ZNF503: variants seen among roughly 807,000 people sequenced by gnomAD.
The protein encoded by ZNF503 is zinc finger protein 503.
In ZNF503, 15 loss-of-function variants were observed where a neutral mutation model predicts 34.4. That is an observed-to-expected ratio of 0.44 (90% CI 0.29 to 0.67). The LOEUF (loss-of-function observed/expected upper bound fraction) is 0.67. ZNF503 is among the 30% of genes least tolerant of loss of function. The pLI is 0.13. For synonymous variants in ZNF503, 580 were observed against 456.8 expected (o/e 1.27, Z -3.44); for missense variants, 1,007 against 926.8 (o/e 1.09, Z -1.12).
chr10:75,340,311 G>A, the ZNF503 span, among the ~76,000 whole-genome samples: 1 of 152,172 alleles, frequency 6.6e-6, no homozygotes, highest in Non-Finnish European at 1.5e-5. Context: ...AACTCTACTG[G>A]TGGGAGTGTA....
chr10:75,384,126 G>C, the ZNF503 span, among the ~76,000 whole-genome samples: 1 of 152,156 alleles, frequency 6.6e-6, no homozygotes, highest in Non-Finnish European at 1.5e-5. Flanking sequence ...CAGCTCAGGT[G>C]CTGGGAGGTG....
the ZNF503 span, among the ~76,000 whole-genome samples, chr10:75,347,922 C>T: frequency 6.6e-6 from 1 of 152,148 alleles, no homozygotes; most frequent in Admixed American, 6.5e-5. Context: ...TGTCCCATCT[C>T]GAGTGCAGTG....
the ZNF503 span, among the ~76,000 whole-genome samples, chr10:75,385,217 A>G: frequency 1.3e-5 from 2 of 152,176 alleles, no homozygotes; most frequent in African/African-American, 4.8e-5. Flanking sequence ...AAGGCCAATC[A>G]GGAGACACAC....
chr10:75,300,059 G>A, the ZNF503 span, among the ~76,000 whole-genome samples: 1 of 152,156 alleles, frequency 6.6e-6, no homozygotes, highest in Admixed American at 6.5e-5. Context: ...AGCGCTATGG[G>A]AGACTGGGGC....
At chr10:75,361,634 C>A in the ZNF503 span, 1 of 152,124 alleles carries the variant, frequency 6.6e-6, no homozygotes, top group Non-Finnish European at 1.5e-5. Flanking sequence ...AACCTGTACT[C>A]CTCAAATACA....
At chr10:75,374,552 T>A in the ZNF503 span, among the ~76,000 whole-genome samples, 3 of 152,044 alleles carry the variant, frequency 2.0e-5, no homozygotes, top group African/African-American at 7.2e-5. Context: ...TACCCGAAGG[T>A]CAGAGAGGCC....
At chr10:75,317,309 G>A in the ZNF503 span, among the ~76,000 whole-genome samples, 3 of 109,810 alleles carry the variant, frequency 2.7e-5, no homozygotes, top group Admixed American at 1.4e-4. Flanking sequence ...ACGGAGTCTC[G>A]CTGTTTCACC....
the ZNF503 span, among the ~76,000 whole-genome samples, chr10:75,323,592 G>GTT: frequency 6.6e-6 from 1 of 152,116 alleles, no homozygotes; most frequent in African/African-American, 2.4e-5. Context: ...TCTCATGGTG[G>GTT]TTTTAATTTG....
the ZNF503 span, chr10:75,382,862 C>A: frequency 9.9e-5 from 26 of 261,698 alleles, no homozygotes; most frequent in Non-Finnish European, 1.8e-4. Flanking sequence ...GTAAGAACTG[C>A]CTATGGAGCC....
chr10:75,378,345 T>C, the ZNF503 span, among the ~76,000 whole-genome samples: 2 of 152,104 alleles, frequency 1.3e-5, no homozygotes, highest in African/African-American at 4.8e-5. Context: ...ATCAGAAGGA[T>C]GGCTGGGCGA....
Position 75,400,214 on chromosome 10 carries a change from G to A in ZNF503, c.476C>T (p.Ser159Leu), listed in dbSNP as rs1328018813. ...GGAAGDKDTKSGPLKLSDIGV... is the reference protein window; with the variant it reads ...GGAAGDKDTKLGPLKLSDIGV... ...GATGTCGCTCAGCTTCAGGGGGCCCGATTTGGTGTCCTTGTCGCCCGCAGC... is the reference window on the plus strand; with the variant it reads ...GATGTCGCTCAGCTTCAGGGGGCCCAATTTGGTGTCCTTGTCGCCCGCAGC... Residue 159 changes from serine to leucine, a missense_variant, in exon 2 of 2, where the codon TCG becomes TTG. Ser to Leu is a moderately radical substitution (Grantham distance 145, BLOSUM62 -2). Transcript: ENST00000372524. The A allele has an allele frequency of 6.2e-7, 1 of 1,606,016 alleles. No homozygotes were observed. Among genetic ancestry groups the A allele is most frequent in the African/African-American group, 1.3e-5 (1 of 74,778 alleles).
the ZNF503 span, among the ~76,000 whole-genome samples, chr10:75,369,661 T>TA: frequency 6.6e-6 from 1 of 152,236 alleles, no homozygotes; most frequent in East Asian, 1.9e-4. Context: ...CTTTTAGATT[T>TA]AAAAAATAGT....
At chr10:75,386,075 C>T in the ZNF503 span, among the ~76,000 whole-genome samples, 2 of 152,322 alleles carry the variant, frequency 1.3e-5, no homozygotes, top group East Asian at 1.9e-4. Context: ...CATCCATTCC[C>T]CCATTTCCCC....
the ZNF503 span, among the ~76,000 whole-genome samples, chr10:75,288,851 C>T: frequency 6.6e-6 from 1 of 152,328 alleles, no homozygotes; most frequent in South Asian, 2.1e-4. Flanking sequence ...GTGTTAATTT[C>T]CCCTCCATCT....
Position 75,398,796 on chromosome 10 carries a change from G to T in ZNF503, c.1894C>A (p.Leu632Ile). The T allele has an allele frequency of 6.8e-7, 1 of 1,475,528 alleles. No individual in the cohort carries two copies. The highest frequency in any genetic ancestry group is 8.9e-7 in the Non-Finnish European group (1 of 1,118,726). 91.4% of individuals were successfully genotyped at this position (1,475,528 alleles called of 1,614,324 possible). ...ATGPYYSPYALYGQRLTTASA... is the reference protein window; with the variant it reads ...ATGPYYSPYAIYGQRLTTASA... Reference sequence around the variant, plus strand: ...GCGGTGGTCAGTCTCTGTCCGTAGAGGGCGTAGGGGGAGTAGTACGGTCCG... The same window carrying T: ...GCGGTGGTCAGTCTCTGTCCGTAGATGGCGTAGGGGGAGTAGTACGGTCCG... The change falls in exon 2 of 2, where the codon CTC becomes ATC. Residue 632 changes from leucine to isoleucine, a missense_variant. Leu to Ile is a conservative substitution (Grantham distance 5). Coordinates refer to ENST00000372524, the MANE Select transcript of ZNF503 (RefSeq NM_032772.6).
At chr10:75,324,663 A>G in the ZNF503 span, among the ~76,000 whole-genome samples, 3 of 152,192 alleles carry the variant, frequency 2.0e-5, no homozygotes, top group African/African-American at 4.8e-5. Flanking sequence ...CTGTATATAT[A>G]TTTGTTTTAT....
At chr10:75,342,493 A>C in the ZNF503 span, among the ~76,000 whole-genome samples, 2 of 152,114 alleles carry the variant, frequency 1.3e-5, no homozygotes, top group Non-Finnish European at 2.9e-5. Context: ...GATTGAGACA[A>C]GGGGTGGGGA....
the ZNF503 span, among the ~76,000 whole-genome samples, chr10:75,359,645 CTG>C: frequency 6.6e-6 from 1 of 152,220 alleles, no homozygotes; most frequent in African/African-American, 2.4e-5. Flanking sequence ...GGTTGAATGT[CTG>C]GGGTCCCCAG....
chr10:75,370,576 T>C, the ZNF503 span, among the ~76,000 whole-genome samples: 1 of 151,816 alleles, frequency 6.6e-6, no homozygotes, highest in Admixed American at 6.6e-5. Flanking sequence ...GTCAGGAGTT[T>C]GAGACCAGCC....
Sources: allele counts gnomAD v4.1 joint callset (sites outside exome capture counted in the v4.1 genomes callset), GRCh38; gene constraint gnomAD v4.1.1; transcripts MANE v1.5; gene names NCBI Gene and HGNC (gene_info 2026-07-23, HGNC 2026-07-21).